The following PPFIA2 variants were observed in gnomAD, a reference collection of about 807,000 sequenced individuals.
PPFIA2 encodes the protein PPFI scaffold protein A2.
PPFIA2 carries 46 observed loss-of-function variants against 175.5 expected under a neutral mutation model. That is an observed-to-expected ratio of 0.26 (90% CI 0.21 to 0.34). The LOEUF is 0.34. Ranked by LOEUF, PPFIA2 falls within the 10% of genes least tolerant of loss-of-function variation. The pLI is 1.00. For missense variants in PPFIA2, 1,179 were observed against 1,506.1 expected (o/e 0.78, Z 3.60); for synonymous variants, 568 against 511.4 (o/e 1.11, Z -1.49).
At chr12:81,554,139 G>A (rs567287065) in intron 4 of PPFIA2, among the ~76,000 whole-genome samples, 16 of 152,102 alleles carry the variant, frequency 1.1e-4, no homozygotes, top group African/African-American at 3.9e-4. Flanking sequence ...AGTAATTGAA[G>A]TAAAAATGAT....
intron 4 of PPFIA2, among the ~76,000 whole-genome samples, chr12:81,523,802 C>A (rs948323794): frequency 1.3e-5 from 2 of 152,146 alleles, no homozygotes; most frequent in African/African-American, 4.8e-5. Context: ...CAAATTAACC[C>A]ACCAATAGCT....
At chr12:81,578,489 T>C (rs544724476) in intron 4 of PPFIA2, among the ~76,000 whole-genome samples, 60 of 151,836 alleles carry the variant, frequency 4.0e-4, no homozygotes, top group Non-Finnish European at 8.1e-4. Context: ...CTGTAAGTTA[T>C]AGTAAAATAT....
At chr12:81,757,128 T>G (rs2084805557) in intron 2 of PPFIA2, among the ~76,000 whole-genome samples, 1 of 152,102 alleles carries the variant, frequency 6.6e-6, no homozygotes, top group African/African-American at 2.4e-5. Context: ...TAAATGCACA[T>G]TTTGCACATT....
chr12:81,633,284 C>A (rs1567649255), intron 4 of PPFIA2, among the ~76,000 whole-genome samples: 1 of 152,036 alleles, frequency 6.6e-6, no homozygotes, highest in Non-Finnish European at 1.5e-5. Context: ...ACAAGAGTAG[C>A]CTGCAGAGAG....
intron 28 of PPFIA2, among the ~76,000 whole-genome samples, chr12:81,271,213 C>G (rs2038997840): frequency 6.6e-6 from 1 of 151,938 alleles, no homozygotes; most frequent in Non-Finnish European, 1.5e-5. Flanking sequence ...TGTTCTTTTT[C>G]TCTCTTTCTT....
chr12:81,432,897 C>A (rs2048348406), intron 7 of PPFIA2, among the ~76,000 whole-genome samples: 1 of 151,734 alleles, frequency 6.6e-6, no homozygotes, highest in South Asian at 2.1e-4. Context: ...TTATGTTAAC[C>A]AAACGCATCA....
intron 7 of PPFIA2, among the ~76,000 whole-genome samples, chr12:81,432,431 A>G (rs1251444346): frequency 3.4e-5 from 5 of 148,498 alleles, no homozygotes; most frequent in African/African-American, 1.0e-4. Flanking sequence ...TAACAGGTCT[A>G]TCTCACATAC....
At chr12:81,358,036 A>T in intron 16 of PPFIA2, 46 bp downstream of exon 16, 4 of 1,466,858 alleles carry the variant, frequency 2.7e-6, no homozygotes, top group Non-Finnish European at 3.6e-6. Context: ...AAATGAAACT[A>T]TGTATTTAAA....
At chr12:81,666,432 TA>T (rs1161093795) in intron 4 of PPFIA2, among the ~76,000 whole-genome samples, 11 of 152,200 alleles carry the variant, frequency 7.2e-5, no homozygotes, top group African/African-American at 2.6e-4. Flanking sequence ...TATGCAGCCA[TA>T]AAAAATGATG....
At position 81,667,923 on chromosome 12, in the gene PPFIA2, G is replaced by T. The variant is rs1567793528; in HGVS notation, c.303+8868C>A. On this transcript the variant is annotated intron_variant, in intron 4 of 32. Transcript: ENST00000549396. ...TCTGCTTCATAGGTCTTTCTTCTAG[G>T]TTGGGGCAGGGATATGAAAGTGGGT... Among the ~76,000 whole-genome samples the T allele has an allele frequency of 3.9e-5, 6 of 151,954 alleles. No individual in the cohort carries two copies. The South Asian group carries it at 1.2e-3, about 32-fold the overall frequency.
At chr12:81,438,087 A>C (rs865776586) in intron 7 of PPFIA2, among the ~76,000 whole-genome samples, 1 of 152,186 alleles carries the variant, frequency 6.6e-6, no homozygotes, top group South Asian at 2.1e-4. Context: ...TACTAGCTGA[A>C]AGTCCATTAT....
chr12:81,261,933 A>G lies in PPFIA2; in HGVS notation c.*33+16T>C. 1 of 1,523,092 alleles carries G rather than the reference A, an allele frequency of 6.6e-7. No homozygotes were observed. Among genetic ancestry groups the G allele is most frequent in the South Asian group, 1.2e-5 (1 of 81,246 alleles). The allele number at this position is 1,523,092 out of a possible 1,614,324, so 94.3% of individuals were successfully genotyped here. Reference sequence around the variant, plus strand: ...TTTGTCTTTTTTTTTTTGTCAGCCAAAGGGAAACTACTCACAGCAGGTCAG... The same window carrying G: ...TTTGTCTTTTTTTTTTTGTCAGCCAGAGGGAAACTACTCACAGCAGGTCAG... On this transcript the variant is annotated intron_variant, in intron 32 of 32. Coordinates refer to ENST00000549396, the MANE Select transcript of PPFIA2 (RefSeq NM_003625.5).
At chr12:81,457,254 G>A (rs965722082) in intron 5 of PPFIA2, among the ~76,000 whole-genome samples, 12 of 151,152 alleles carry the variant, frequency 7.9e-5, no homozygotes, top group African/African-American at 2.9e-4. Flanking sequence ...AAAGTGCTGG[G>A]ATTACAGGCA....
At chr12:81,497,694 C>T (rs1387420118) in intron 4 of PPFIA2, among the ~76,000 whole-genome samples, 2 of 151,868 alleles carry the variant, frequency 1.3e-5, no homozygotes, top group African/African-American at 4.8e-5. Flanking sequence ...CACACGCCAC[C>T]ACGTCCAGCT....
intron 7 of PPFIA2, among the ~76,000 whole-genome samples, chr12:81,432,199 C>T (rs1418855623): frequency 1.3e-5 from 2 of 152,154 alleles, no homozygotes. Flanking sequence ...TTACCATCAT[C>T]TGTCTTCCGA....
At chr12:81,373,051 A>G (rs895575809) in intron 11 of PPFIA2, among the ~76,000 whole-genome samples, 3 of 151,780 alleles carry the variant, frequency 2.0e-5, no homozygotes, top group African/African-American at 7.2e-5. Context: ...GGGAGTATTT[A>G]ATATAGTGTT....
intron 3 of PPFIA2, among the ~76,000 whole-genome samples, chr12:81,724,372 AC>A (rs1218859942): frequency 6.6e-6 from 1 of 150,814 alleles, no homozygotes; most frequent in Admixed American, 6.6e-5. Context: ...CAGTTTTCTT[AC>A]ATGAATACAT....
At chr12:81,459,277 A>G (rs2054116159) in intron 4 of PPFIA2, among the ~76,000 whole-genome samples, 1 of 152,146 alleles carries the variant, frequency 6.6e-6, no homozygotes. Flanking sequence ...CAAATAGAAA[A>G]CAATAAACCT....
intron 4 of PPFIA2, among the ~76,000 whole-genome samples, chr12:81,502,972 TG>T (rs1414694628): frequency 3.3e-5 from 5 of 152,116 alleles, no homozygotes; most frequent in African/African-American, 1.2e-4. Context: ...CGTATGTCTA[TG>T]GAAATTTTAA....
Sources: gnomAD v4.1 joint callset for allele counts (sites outside exome capture counted in the v4.1 genomes callset) on GRCh38, gnomAD v4.1.1 for gene constraint, MANE v1.5 for transcripts, NCBI Gene and HGNC (gene_info 2026-07-23, HGNC 2026-07-21) for gene names.